The following ZFAND3 variants were observed in gnomAD, a reference collection of about 807,000 sequenced individuals.
ZFAND3 encodes the protein zinc finger AN1-type containing 3, also known as AN1-type zinc finger protein 3.
A neutral mutation model predicts 29.6 loss-of-function variants in ZFAND3; 10 were observed. The observed-to-expected ratio is 0.34, with a 90% CI of 0.21 to 0.57. The LOEUF (loss-of-function observed/expected upper bound fraction) is 0.57, where lower values mean the gene tolerates loss of function less well. Among genes scored for constraint, ZFAND3 ranks in the 20% least tolerant of loss-of-function variants. The probability of loss-of-function intolerance (pLI) is 0.86; values close to 1 mark genes in which losing one functional copy is unlikely to be tolerated. For missense variants in ZFAND3, 230 were observed against 304.5 expected (o/e 0.76, Z 1.82); for synonymous variants, 128 against 112.6 (o/e 1.14, Z -0.87).
intron 1 of ZFAND3, among the ~76,000 whole-genome samples, chr6:37,905,798 A>C (rs527580408): frequency 3.3e-5 from 5 of 152,222 alleles, no homozygotes; most frequent in African/African-American, 9.6e-5. Context: ...TGGGAATGAT[A>C]ATACCTACCT....
chr6:37,841,362 A>G (rs946134750), intron 1 of ZFAND3, among the ~76,000 whole-genome samples: 3 of 134,880 alleles, frequency 2.2e-5, no homozygotes, highest in Non-Finnish European at 3.5e-5. Context: ...CCATCCTTCT[A>G]TCCATCTATT....
chr6:38,065,370 T>G (rs1330484589), intron 3 of ZFAND3, among the ~76,000 whole-genome samples: 2 of 151,318 alleles, frequency 1.3e-5, no homozygotes, highest in Admixed American at 1.3e-4. Flanking sequence ...TGAGTGAAAC[T>G]TCTGCACTTA....
chr6:38,127,798 A>G (rs1765663410), intron 5 of ZFAND3, among the ~76,000 whole-genome samples: 1 of 152,124 alleles, frequency 6.6e-6, no homozygotes, highest in African/African-American at 2.4e-5. Flanking sequence ...GTAGCCCCTG[A>G]ACTAAACTTC....
intron 2 of ZFAND3, among the ~76,000 whole-genome samples, chr6:38,055,063 G>A (rs990103552): frequency 6.6e-6 from 1 of 152,128 alleles, no homozygotes; most frequent in African/African-American, 2.4e-5. Context: ...GGGATGGTGA[G>A]CAGAACCCTG....
chr6:38,024,398 G>C (rs1763406529), intron 2 of ZFAND3, among the ~76,000 whole-genome samples: 1 of 151,948 alleles, frequency 6.6e-6, no homozygotes, highest in South Asian at 2.1e-4. Flanking sequence ...CATGAACCCG[G>C]GAGGTGGAGC....
At chr6:37,941,287 T>G (rs189333799) in intron 2 of ZFAND3, among the ~76,000 whole-genome samples, 117 of 152,332 alleles carry the variant, frequency 7.7e-4, no homozygotes, top group African/African-American at 2.7e-3. Context: ...CTAAATAGAT[T>G]AGTCGGGATT....
intron 1 of ZFAND3, among the ~76,000 whole-genome samples, chr6:37,883,753 G>A (rs1351475624): frequency 2.8e-5 from 4 of 145,206 alleles, no homozygotes; most frequent in African/African-American, 1.1e-4. Flanking sequence ...TCTTGGTCAG[G>A]CTGGTCTTGA....
At chr6:37,979,070 A>G (rs1404192524) in intron 2 of ZFAND3, among the ~76,000 whole-genome samples, 1 of 151,396 alleles carries the variant, frequency 6.6e-6, no homozygotes, top group East Asian at 1.9e-4. Flanking sequence ...TCTCACTTTA[A>G]TCTTTATTTC....
At chr6:37,900,733 G>A (rs1345421624) in intron 1 of ZFAND3, among the ~76,000 whole-genome samples, 2 of 152,042 alleles carry the variant, frequency 1.3e-5, no homozygotes, top group African/African-American at 4.8e-5. Context: ...TAAAGAGTTC[G>A]TCATGGAGCT....
intron 3 of ZFAND3, among the ~76,000 whole-genome samples, chr6:38,078,435 A>G (rs895186956): frequency 2.0e-5 from 3 of 152,250 alleles, no homozygotes; most frequent in African/African-American, 7.2e-5. Context: ...CTGTTAATAA[A>G]TATCTCCGGA....
At chr6:37,911,497 T>C (rs1462474703) in intron 1 of ZFAND3, among the ~76,000 whole-genome samples, 1 of 152,234 alleles carries the variant, frequency 6.6e-6, no homozygotes, top group Non-Finnish European at 1.5e-5. Flanking sequence ...CTGCAGGTTG[T>C]GTCTTTACTC....
intron 2 of ZFAND3, among the ~76,000 whole-genome samples, chr6:37,970,357 T>G (rs2127428184): frequency 6.6e-6 from 1 of 152,256 alleles, no homozygotes; most frequent in South Asian, 2.1e-4. Context: ...AAGTTTGAAA[T>G]TAAGTAAAAA....
At chr6:38,010,199 A>G (rs1478694135) in intron 2 of ZFAND3, among the ~76,000 whole-genome samples, 1 of 152,192 alleles carries the variant, frequency 6.6e-6, no homozygotes, top group Admixed American at 6.5e-5. Context: ...GGGCGCACTC[A>G]CAGTCACTCA....
intron 1 of ZFAND3, among the ~76,000 whole-genome samples, chr6:37,880,958 A>G (rs1410826881): frequency 6.6e-6 from 1 of 151,618 alleles, no homozygotes; most frequent in East Asian, 1.9e-4. Flanking sequence ...ACATGTATAC[A>G]TATGTAACTA....
intron 4 of ZFAND3, among the ~76,000 whole-genome samples, chr6:38,092,738 C>T (rs1764898946): frequency 6.6e-6 from 1 of 152,170 alleles, no homozygotes; most frequent in African/African-American, 2.4e-5. Flanking sequence ...GAGTGCTCAA[C>T]TTCACTAAAT....
chr6:37,821,743 G>A (rs1763671163), intron 1 of ZFAND3, among the ~76,000 whole-genome samples: 1 of 152,226 alleles, frequency 6.6e-6, no homozygotes, highest in African/African-American at 2.4e-5. Flanking sequence ...ACACGTTTAT[G>A]TCCTTCGGAC....
intron 4 of ZFAND3, among the ~76,000 whole-genome samples, chr6:38,115,454 A>G (rs1246999314): frequency 6.6e-6 from 1 of 152,178 alleles, no homozygotes; most frequent in East Asian, 1.9e-4. Flanking sequence ...CTTGATTTTT[A>G]ACAGAGTCAC....
At chr6:37,961,656 G>A (rs1223616831) in intron 2 of ZFAND3, among the ~76,000 whole-genome samples, 1 of 152,254 alleles carries the variant, frequency 6.6e-6, no homozygotes, top group East Asian at 1.9e-4. Flanking sequence ...GCTCAGAGCA[G>A]AGAGAGAAAG....
intron 1 of ZFAND3, among the ~76,000 whole-genome samples, chr6:37,887,764 A>C (rs1765022293): frequency 6.6e-6 from 1 of 152,230 alleles, no homozygotes; most frequent in African/African-American, 2.4e-5. Context: ...GATGTTTGTT[A>C]ACTACCATAT....
Sources: gnomAD v4.1 joint callset for allele counts (sites outside exome capture counted in the v4.1 genomes callset) on GRCh38, gnomAD v4.1.1 for gene constraint, MANE v1.5 for transcripts, NCBI Gene and HGNC (gene_info 2026-07-23, HGNC 2026-07-21) for gene names.